Variants in ADGRG4 observed in about 807,000 individuals in gnomAD.
The protein encoded by ADGRG4 is adhesion G protein-coupled receptor G4.
A neutral mutation model predicts 126.2 loss-of-function variants in ADGRG4; 122 were observed. The ratio of observed to expected loss-of-function variants is 0.97; its 90% confidence interval spans 0.83 to 1.12. The LOEUF is 1.12. ADGRG4 is among the 50% of genes most tolerant of loss of function. The probability of loss-of-function intolerance (pLI) is 0.00; values close to 1 mark genes in which losing one functional copy is unlikely to be tolerated. For missense variants in ADGRG4, 2,481 were observed against 2,251.8 expected (o/e 1.10, Z -2.06); for synonymous variants, 943 against 838.7 (o/e 1.12, Z -2.15).
chrX:136,363,032 T>A (rs1293777636), intron 12 of ADGRG4, among the ~76,000 whole-genome samples: 2 of 109,974 alleles, frequency 1.8e-5, no homozygotes, highest in East Asian at 5.7e-4. Context: ...CAGGGGAGGG[T>A]GGATGATGAG....
chrX:136,348,635 G>A lies in ADGRG4; in HGVS notation c.4929G>A (p.Thr1643=), dbSNP rs144968989. ...MIEAPSRITP[T]TFLSPTEPTL... Reference sequence around the variant, plus strand: ...AGGCACCTTCCAGGATCACACCTACGACCTTTCTCTCTCCAACAGAGCCAA... The same window carrying A: ...AGGCACCTTCCAGGATCACACCTACAACCTTTCTCTCTCCAACAGAGCCAA... Residue 1643 remains threonine, a synonymous_variant, in exon 6 of 26, where the codon ACG becomes ACA. Transcript: ENST00000394143. The A allele has an allele frequency of 1.6e-4, 196 of 1,207,667 alleles. 1 individual carries two copies. The African/African-American group carries it at 2.6e-3, about 16-fold the overall frequency.
chrX:136,306,210 C>G (rs2074732532), intron 3 of ADGRG4: 1 of 110,013 alleles, frequency 9.1e-6, no homozygotes, highest in African/African-American at 3.3e-5. Context: ...CTTTCCTTTC[C>G]TTCCTTCTTT....
intron 5 of ADGRG4, among the ~76,000 whole-genome samples, chrX:136,337,420 T>G (rs2074954295): frequency 8.9e-6 from 1 of 112,358 alleles, no homozygotes; most frequent in Non-Finnish European, 1.9e-5. Context: ...TCTTTCTCAT[T>G]CTCCAAGATT....
chrX:136,396,392 T>C (rs908156570), intron 19 of ADGRG4, among the ~76,000 whole-genome samples: 26 of 102,434 alleles, frequency 2.5e-4, no homozygotes, highest in Admixed American at 1.3e-3. Flanking sequence ...TATATGTATG[T>C]ATATATATAT....
At chrX:136,367,961 T>C (rs959506750) in intron 13 of ADGRG4, among the ~76,000 whole-genome samples, 2 of 112,231 alleles carry the variant, frequency 1.8e-5, no homozygotes, top group Non-Finnish European at 3.8e-5. Flanking sequence ...CATCAGGCTC[T>C]AGTGAAGTTG....
chrX:136,374,604 A>G (rs1175993414), intron 15 of ADGRG4, among the ~76,000 whole-genome samples: 1 of 110,180 alleles, frequency 9.1e-6, no homozygotes, highest in Non-Finnish European at 1.9e-5. Context: ...TAATTTTTGT[A>G]TTTTTAGTAG....
intron 1 of ADGRG4, among the ~76,000 whole-genome samples, chrX:136,302,085 G>T (rs2074704374): frequency 8.9e-6 from 1 of 112,026 alleles, no homozygotes. Flanking sequence ...GGTTCCATGT[G>T]AACTTTAAAG....
intron 5 of ADGRG4, among the ~76,000 whole-genome samples, chrX:136,336,686 G>A (rs2181307): frequency 0.48 from 52,813 of 110,008 alleles, 9,305 homozygotes; most frequent in Middle Eastern, 0.6. Flanking sequence ...CTGCTTGCAT[G>A]GTATAATTTT....
intron 21 of ADGRG4, among the ~76,000 whole-genome samples, chrX:136,400,828 A>G (rs2075375748): frequency 8.9e-6 from 1 of 112,172 alleles, no homozygotes; most frequent in Non-Finnish European, 1.9e-5. Context: ...TCTGAATACA[A>G]ATGTCATTTC....
chrX:136,394,554 C>T (rs2075336517), intron 18 of ADGRG4, among the ~76,000 whole-genome samples: 2 of 111,955 alleles, frequency 1.8e-5, no homozygotes, highest in South Asian at 7.6e-4. Flanking sequence ...CCCTCCAAGT[C>T]TCTCAGGATA....
At chrX:136,399,484 C>G (rs2075368357) in intron 20 of ADGRG4, among the ~76,000 whole-genome samples, 1 of 110,751 alleles carries the variant, frequency 9.0e-6, no homozygotes, top group Non-Finnish European at 1.9e-5. Flanking sequence ...CCAAGTAGCT[C>G]TACTTGGAAT....
At position 136,312,396 on chromosome X, in the gene ADGRG4, G is replaced by T. The variant is rs767029867; in HGVS notation, c.70+3549G>T. Among the ~76,000 whole-genome samples the T allele has an allele frequency of 3.6e-5, 4 of 112,158 alleles. No homozygotes were observed. In the East Asian group the frequency reaches 1.1e-3, roughly 31 times the overall value. ...AATCCCAGCACTTTGGGAAGCCAAG[G>T]CAGGTGGATCACTTGAGCTCAGGAG... On this transcript the variant is annotated intron_variant, in intron 4 of 25. Coordinates refer to ENST00000394143, the MANE Select transcript of ADGRG4 (RefSeq NM_153834.4).
intron 13 of ADGRG4, among the ~76,000 whole-genome samples, chrX:136,370,698 A>T (rs911475124): frequency 8.9e-6 from 1 of 111,865 alleles, no homozygotes; most frequent in Non-Finnish European, 1.9e-5. Context: ...TTATCCATTC[A>T]TTGACACTTG....
At chrX:136,323,526 A>G in intron 5 of ADGRG4, 134 bp downstream of exon 5, 2 of 499,556 alleles carry the variant, frequency 4.0e-6, no homozygotes. Context: ...TTTTATCTTT[A>G]TTTTGATATG....
Position 136,345,812 on chromosome X carries a change from C to T in ADGRG4, c.2106C>T (p.Ile702=). 8.3e-7 allele frequency: 1 copy of T among 1,210,474 alleles called. No homozygotes were observed. The highest frequency in any genetic ancestry group is 1.1e-6 in the Non-Finnish European group (1 of 894,498). Residue 702 remains isoleucine (I), a synonymous_variant, in exon 6 of 26, where the codon ATC becomes ATT. Coordinates refer to ENST00000394143, the MANE Select transcript of ADGRG4 (RefSeq NM_153834.4). ...AATATTTATCCGCAACTACCAATAT[C>T]ACCCCACTGAAAGCATCTCCAGAGG... is the stretch of plus-strand genomic sequence containing the variant. ...YTEYLSATTN[I]TPLKASPEGK...
intron 5 of ADGRG4, among the ~76,000 whole-genome samples, chrX:136,344,190 G>A (rs2074996524): frequency 9.0e-6 from 1 of 111,311 alleles, no homozygotes; most frequent in Admixed American, 9.5e-5. Flanking sequence ...CTTCCTACCA[G>A]TTACTTAACC....
intron 21 of ADGRG4, among the ~76,000 whole-genome samples, chrX:136,400,915 G>A (rs1304695089): frequency 8.9e-6 from 1 of 112,020 alleles, no homozygotes; most frequent in African/African-American, 3.2e-5. Flanking sequence ...TGTATTCAAG[G>A]CAGATTTTGG....
intron 24 of ADGRG4, among the ~76,000 whole-genome samples, chrX:136,413,214 A>G (rs930164859): frequency 1.9e-5 from 2 of 106,996 alleles, no homozygotes; most frequent in African/African-American, 6.9e-5. Context: ...CATTAGGTAT[A>G]TCTCCCGATG....
rs1869775206 is a variant in ADGRG4 at position 136,323,035 on chromosome X, A to G, written c.328A>G (p.Ile110Val). The change falls in exon 5 of 26, where the codon ATC becomes GTC. Residue 110 changes from isoleucine (I) to valine (V), a missense_variant. Ile to Val is a conservative substitution (Grantham distance 29). Coordinates refer to ENST00000394143, the MANE Select transcript of ADGRG4 (RefSeq NM_153834.4). ...ILYRLGKTFSIRHHLASFQWH... is the reference protein window; with the variant it reads ...ILYRLGKTFSVRHHLASFQWH... ...ATACAGATTGGGAAAGACCTTTTCTATCCGTCACCACCTGGCTTCATTTCA... is the reference window on the plus strand; with the variant it reads ...ATACAGATTGGGAAAGACCTTTTCTGTCCGTCACCACCTGGCTTCATTTCA... 2.5e-6 allele frequency: 3 copies of G among 1,209,864 alleles called. No individual in the cohort carries two copies. The highest frequency in any genetic ancestry group is 3.4e-6 in the Non-Finnish European group (3 of 895,124).
Sources: allele counts gnomAD v4.1 joint callset (sites outside exome capture counted in the v4.1 genomes callset), GRCh38; gene constraint gnomAD v4.1.1; transcripts MANE v1.5; gene names NCBI Gene and HGNC (gene_info 2026-07-23, HGNC 2026-07-21).